CACNA2D3: variants seen among roughly 807,000 people sequenced by gnomAD.
CACNA2D3 encodes the protein voltage-dependent calcium channel subunit alpha-2/delta-3.
Under a neutral mutation model 160.6 loss-of-function variants are expected in CACNA2D3, and 60 were observed. The observed-to-expected ratio is 0.37, with a 90% confidence interval of 0.30 to 0.46. The LOEUF is 0.46. CACNA2D3 is among the 20% of genes least tolerant of loss of function. The pLI, the probability that CACNA2D3 is intolerant of heterozygous loss-of-function variation, is 1.00. For synonymous variants in CACNA2D3, 558 were observed against 492.9 expected (o/e 1.13, Z -1.75); for missense variants, 1,205 against 1,365.0 (o/e 0.88, Z 1.85).
At chr3:54,431,327 CAA>C (rs538169080) in intron 4 of CACNA2D3, among the ~76,000 whole-genome samples, 5 of 85,020 alleles carry the variant, frequency 5.9e-5, no homozygotes, top group Admixed American at 1.2e-4. Flanking sequence ...GACTCCGTCT[CAA>C]AAAAAAAAAA....
intron 11 of CACNA2D3, among the ~76,000 whole-genome samples, chr3:54,665,412 C>G (rs1700046120): frequency 6.6e-6 from 1 of 152,172 alleles, no homozygotes; most frequent in Non-Finnish European, 1.5e-5. Context: ...AGTCAGTCCT[C>G]CAGGGTTCGC....
At chr3:54,925,182 A>T (rs1700978020) in intron 27 of CACNA2D3, 1 of 1,613,746 alleles carries the variant, frequency 6.2e-7, no homozygotes, top group African/African-American at 1.3e-5. Flanking sequence ...CACCTGGAGC[A>T]GGACAATCAC....
At chr3:54,409,681 A>G (rs1035373095) in intron 4 of CACNA2D3, among the ~76,000 whole-genome samples, 1 of 152,254 alleles carries the variant, frequency 6.6e-6, no homozygotes, top group African/African-American at 2.4e-5. Context: ...TTCAGTGAAC[A>G]CAGCCTTATT....
At chr3:54,953,842 C>T (rs1701817509) in intron 27 of CACNA2D3, among the ~76,000 whole-genome samples, 1 of 152,106 alleles carries the variant, frequency 6.6e-6, no homozygotes, top group African/African-American at 2.4e-5. Flanking sequence ...CCAGGATCAG[C>T]CCCAAGCAGA....
intron 13 of CACNA2D3, among the ~76,000 whole-genome samples, chr3:54,803,706 G>A (rs542770129): frequency 1.1e-3 from 165 of 152,124 alleles, no homozygotes; most frequent in African/African-American, 3.5e-3. Context: ...TACAGAGAAC[G>A]CCACAAAGAT....
At chr3:54,702,833 G>T (rs977435962) in intron 11 of CACNA2D3, among the ~76,000 whole-genome samples, 8 of 152,160 alleles carry the variant, frequency 5.3e-5, no homozygotes, top group African/African-American at 1.9e-4. Context: ...CAATGTAGAT[G>T]CCTGTAAATG....
chr3:54,390,632 C>T (rs1018962798), intron 4 of CACNA2D3, among the ~76,000 whole-genome samples: 10 of 152,140 alleles, frequency 6.6e-5, no homozygotes, highest in Non-Finnish European at 1.3e-4. Flanking sequence ...TGGTGGAGAC[C>T]TGTGAAAGAG....
At chr3:54,409,761 T>C (rs1027557593) in intron 4 of CACNA2D3, among the ~76,000 whole-genome samples, 1 of 152,192 alleles carries the variant, frequency 6.6e-6, no homozygotes, top group Non-Finnish European at 1.5e-5. Context: ...AGCCAAAGCC[T>C]AATTTGGAGC....
chr3:54,945,934 G>A (rs547918707), intron 27 of CACNA2D3, among the ~76,000 whole-genome samples: 1 of 152,318 alleles, frequency 6.6e-6, no homozygotes, highest in East Asian at 1.9e-4. Flanking sequence ...AAAGGAGGAG[G>A]CCTGACCTCT....
At chr3:54,987,907 C>T (rs546172139) in intron 31 of CACNA2D3, among the ~76,000 whole-genome samples, 154 bp downstream of exon 31, 4 of 152,308 alleles carry the variant, frequency 2.6e-5, no homozygotes, top group African/African-American at 9.6e-5. Flanking sequence ...TTCGATGCCT[C>T]TTGCACGAGT....
At chr3:54,405,123 A>G (rs1049380296) in intron 4 of CACNA2D3, among the ~76,000 whole-genome samples, 5 of 151,922 alleles carry the variant, frequency 3.3e-5, no homozygotes, top group African/African-American at 1.2e-4. Flanking sequence ...ACTATACTGT[A>G]CTGTACTATA....
intron 27 of CACNA2D3, among the ~76,000 whole-genome samples, chr3:54,914,706 T>C (rs1222797275): frequency 2.0e-5 from 3 of 152,170 alleles, no homozygotes; most frequent in Non-Finnish European, 4.4e-5. Flanking sequence ...GTCTAAAAAA[T>C]AAAGCATTTT....
At chr3:54,489,449 G>A (rs1575485291) in intron 4 of CACNA2D3, among the ~76,000 whole-genome samples, 1 of 152,284 alleles carries the variant, frequency 6.6e-6, no homozygotes, top group East Asian at 1.9e-4. Context: ...CTGGTGTTCG[G>A]CACTTTTTAG....
chr3:54,736,078 TATATGTATGTGTATATATATAC>T (rs1701511776), intron 11 of CACNA2D3, among the ~76,000 whole-genome samples: 2 of 25,170 alleles, frequency 7.9e-5, no homozygotes, highest in African/African-American at 2.4e-4. Flanking sequence ...TATATACATA[TATATGTATGTGTATATATATAC>T]ATATATATGT....
intron 4 of CACNA2D3, among the ~76,000 whole-genome samples, chr3:54,483,319 A>C (rs1700963543): frequency 1.3e-5 from 2 of 152,188 alleles, no homozygotes; most frequent in Admixed American, 1.3e-4. Flanking sequence ...AAAGGCTTCT[A>C]AAGCAAACAG....
chr3:54,591,594 A>C (rs558231098), intron 9 of CACNA2D3, among the ~76,000 whole-genome samples: 2 of 133,284 alleles, frequency 1.5e-5, no homozygotes, highest in African/African-American at 5.9e-5. Flanking sequence ...TTTTCACATC[A>C]CTAGAACATC....
At chr3:54,902,249 C>T (rs376344314) in intron 27 of CACNA2D3, among the ~76,000 whole-genome samples, 224 of 152,328 alleles carry the variant, frequency 1.5e-3, no homozygotes, top group Middle Eastern at 6.8e-3. Flanking sequence ...CTGGTCATCT[C>T]ATGTTCATTG....
In CACNA2D3 at chr3:54,899,724, T is replaced by A. The variant is rs969466367; in HGVS notation, c.2369-64T>A. On this transcript the variant is annotated intron_variant, in intron 26 of 37. Transcript: ENST00000474759. ...ATTGGTGACTGTAGACCGATATGAT[T>A]ACTCTCTTAACGTGTACACTGTAAT... The A allele has an allele frequency of 6.7e-6, 8 of 1,193,340 alleles. No individual in the cohort carries two copies. The Middle Eastern group carries it at 7.6e-4, about 113-fold the overall frequency. The allele number at this position is 1,193,340 out of a possible 1,614,324, so 73.9% of individuals were successfully genotyped here.
intron 27 of CACNA2D3, among the ~76,000 whole-genome samples, chr3:54,933,487 C>T (rs1701257485): frequency 6.6e-6 from 1 of 152,188 alleles, no homozygotes; most frequent in South Asian, 2.1e-4. Flanking sequence ...TGCTCACATT[C>T]TATTAGCCAG....
Sources: allele counts gnomAD v4.1 joint callset (sites outside exome capture counted in the v4.1 genomes callset), GRCh38; gene constraint gnomAD v4.1.1; transcripts MANE v1.5; gene names NCBI Gene and HGNC (gene_info 2026-07-23, HGNC 2026-07-21).